PALLD: variants seen among roughly 807,000 people sequenced by gnomAD.
PALLD encodes palladin, cytoskeletal associated protein, also known as palladin.
PALLD carries 61 observed loss-of-function variants against 123.5 expected under a neutral mutation model. That is an observed-to-expected ratio of 0.49 (90% CI 0.40 to 0.61). PALLD has a LOEUF of 0.61. PALLD is among the 20% of genes least tolerant of loss of function. PALLD has a pLI of 0.00. For missense variants in PALLD, 1,273 were observed against 1,377.0 expected (o/e 0.92, Z 1.20); for synonymous variants, 465 against 496.4 (o/e 0.94, Z 0.84).
intron 2 of PALLD, among the ~76,000 whole-genome samples, chr4:168,590,724 T>C (rs1185829961): frequency 6.6e-6 from 1 of 152,110 alleles, no homozygotes; most frequent in Non-Finnish European, 1.5e-5. Flanking sequence ...TGGCACACAG[T>C]AGGATCTTGG....
At chr4:168,585,201 T>C (rs755362125) in intron 2 of PALLD, among the ~76,000 whole-genome samples, 1 of 152,184 alleles carries the variant, frequency 6.6e-6, no homozygotes, top group Non-Finnish European at 1.5e-5. Context: ...TTATGACATA[T>C]TGCAGTTTAT....
At chr4:168,780,024 G>A (rs747272344) in intron 10 of PALLD, among the ~76,000 whole-genome samples, 2 of 151,648 alleles carry the variant, frequency 1.3e-5, no homozygotes, top group Non-Finnish European at 2.9e-5. Context: ...TCAGCCTCCC[G>A]AGTAGCTGGG....
chr4:168,758,592 G>T (rs138403157), intron 10 of PALLD, among the ~76,000 whole-genome samples: 1 of 152,008 alleles, frequency 6.6e-6, no homozygotes, highest in Admixed American at 6.6e-5. Flanking sequence ...GAGTTTGTTG[G>T]TATTTTAGTC....
chr4:168,572,247 T>C (rs565610605), intron 2 of PALLD, among the ~76,000 whole-genome samples: 79 of 152,294 alleles, frequency 5.2e-4, no homozygotes, highest in African/African-American at 1.5e-3. Flanking sequence ...GGTATCATTT[T>C]TCAGCACTCA....
At chr4:168,804,431 A>G (rs1739837495) in intron 10 of PALLD, among the ~76,000 whole-genome samples, 1 of 149,696 alleles carries the variant, frequency 6.7e-6, no homozygotes, top group African/African-American at 2.4e-5. Context: ...TTATTGTTCA[A>G]TACATAGTAG....
intron 2 of PALLD, among the ~76,000 whole-genome samples, chr4:168,546,296 C>T (rs930422673): frequency 7.0e-6 from 1 of 142,950 alleles, no homozygotes; most frequent in Admixed American, 7.0e-5. Context: ...AATTCCAACG[C>T]CCCCCACCCC....
In PALLD at chr4:168,797,463, A is replaced by T. The variant is rs145470214; in HGVS notation, c.1964+85540A>T. ...AATTCCTAATAAAGGAGTTTATCAGATCACCCTCAATTACATCACTTTGGG... is the reference window on the plus strand; with the variant it reads ...AATTCCTAATAAAGGAGTTTATCAGTTCACCCTCAATTACATCACTTTGGG... On this transcript the variant is annotated intron_variant, in intron 10 of 21. Transcript: ENST00000505667. 3.9e-5 allele frequency among the ~76,000 whole-genome samples: 6 copies of T among 152,220 alleles called. No homozygotes were observed. In the East Asian group the frequency reaches 1.2e-3, roughly 29 times the overall value.
At chr4:168,733,942 A>G (rs1029667541) in intron 10 of PALLD, among the ~76,000 whole-genome samples, 7 of 152,242 alleles carry the variant, frequency 4.6e-5, no homozygotes, top group East Asian at 3.9e-4. Flanking sequence ...TCACCATGTT[A>G]GCCAGGATGG....
At chr4:168,714,752 G>A (rs202177716) in intron 10 of PALLD, among the ~76,000 whole-genome samples, 2 of 151,984 alleles carry the variant, frequency 1.3e-5, no homozygotes, top group Non-Finnish European at 2.9e-5. Flanking sequence ...GAAACAATTC[G>A]GAGGGCGCAA....
At chr4:168,545,249 G>A (rs559010034) in intron 2 of PALLD, among the ~76,000 whole-genome samples, 2 of 152,098 alleles carry the variant, frequency 1.3e-5, no homozygotes, top group Admixed American at 6.5e-5. Context: ...AAGATTGGCC[G>A]GGTGTGGTGG....
chr4:168,767,195 G>A (rs1245130481), intron 10 of PALLD, among the ~76,000 whole-genome samples: 1 of 152,100 alleles, frequency 6.6e-6, no homozygotes, highest in Non-Finnish European at 1.5e-5. Context: ...ACCCTGTGCT[G>A]CTTTTCACTT....
At chr4:168,520,098 G>A (rs922630043) in intron 2 of PALLD, among the ~76,000 whole-genome samples, 1 of 151,820 alleles carries the variant, frequency 6.6e-6, no homozygotes, top group African/African-American at 2.4e-5. Context: ...AGGCCGAGGC[G>A]GGCGGATCAC....
intron 2 of PALLD, among the ~76,000 whole-genome samples, chr4:168,526,556 C>T (rs1373573371): frequency 6.6e-6 from 1 of 152,112 alleles, no homozygotes; most frequent in African/African-American, 2.4e-5. Context: ...GCCTCACTTT[C>T]TTCCAGGAGG....
chr4:168,868,170 G>A (rs192321575), intron 10 of PALLD, among the ~76,000 whole-genome samples: 1 of 152,234 alleles, frequency 6.6e-6, no homozygotes, highest in African/African-American at 2.4e-5. Context: ...GCTTGGCCTG[G>A]CCTGACCTGG....
chr4:168,707,393 G>A (rs146546390), intron 8 of PALLD, among the ~76,000 whole-genome samples: 2,641 of 152,308 alleles, frequency 0.017, 87 homozygotes, highest in South Asian at 0.14. Context: ...TGCGGCCATG[G>A]TCAGCTGCCA....
At chr4:168,620,555 G>A (rs570601003) in intron 2 of PALLD, among the ~76,000 whole-genome samples, 1 of 152,246 alleles carries the variant, frequency 6.6e-6, no homozygotes, top group Admixed American at 6.5e-5. Flanking sequence ...ACATCACAGG[G>A]TAATAAAGTA....
intron 8 of PALLD, among the ~76,000 whole-genome samples, chr4:168,696,794 G>A (rs972644950): frequency 6.6e-6 from 1 of 152,106 alleles, no homozygotes; most frequent in East Asian, 1.9e-4. Flanking sequence ...GCAAAATGAC[G>A]AAGAAGGGAT....
intron 2 of PALLD, among the ~76,000 whole-genome samples, chr4:168,641,139 C>T (rs1776901633): frequency 6.7e-6 from 1 of 149,916 alleles, no homozygotes; most frequent in Admixed American, 6.7e-5. Flanking sequence ...ACCTGGGAGG[C>T]GGAGCTTGTA....
chr4:168,734,925 T>TAGAG (rs113680242), intron 10 of PALLD, among the ~76,000 whole-genome samples: 5 of 147,524 alleles, frequency 3.4e-5, no homozygotes, highest in South Asian at 2.2e-4. Context: ...CCCCATCTCT[T>TAGAG]AGAGAGAGAG....
Sources: gnomAD v4.1 joint callset for allele counts (sites outside exome capture counted in the v4.1 genomes callset) on GRCh38, gnomAD v4.1.1 for gene constraint, MANE v1.5 for transcripts, NCBI Gene and HGNC (gene_info 2026-07-23, HGNC 2026-07-21) for gene names.